The following KAZN variants were observed in gnomAD, a reference collection of about 807,000 sequenced individuals.
KAZN encodes kazrin, periplakin interacting protein.
KAZN carries 40 observed loss-of-function variants against 87.4 expected under a neutral mutation model. The ratio of observed to expected loss-of-function variants is 0.46; its 90% CI spans 0.36 to 0.60. The LOEUF is 0.60. KAZN is among the 20% of genes least tolerant of loss of function. KAZN has a pLI of 0.00. For missense variants in KAZN, 898 were observed against 1,073.9 expected, an observed-to-expected ratio of 0.84 and a Z score of 2.29; for synonymous variants, 466 against 458.3, an observed-to-expected ratio of 1.02 and a Z score of -0.22.
At chr1:14,303,320 T>A (rs2100786619) in intron 2 of KAZN, among the ~76,000 whole-genome samples, 1 of 152,266 alleles carries the variant, frequency 6.6e-6, no homozygotes, top group Middle Eastern at 3.4e-3. Context: ...CTTGGCTCAC[T>A]GCAACCTCCA....
intron 8 of KAZN, among the ~76,000 whole-genome samples, chr1:15,091,711 C>T (rs1640541424): frequency 6.6e-6 from 1 of 152,214 alleles, no homozygotes; most frequent in African/African-American, 2.4e-5. Flanking sequence ...TTATTCATTG[C>T]ACATATTCCA....
At position 14,681,611 on chromosome 1, in the gene KAZN, GTGTATATATA is replaced by G. The variant is rs1434695797; in HGVS notation, c.226+82390_226+82399del. ...ATTTTAACTATATATATATGTATAT[GTGTATATATA>G]TATATATATATATATATATATATAT... On this transcript the variant is annotated intron_variant, in intron 1 of 14. Transcript: ENST00000376030. Among the ~76,000 whole-genome samples the G allele has an allele frequency of 5.6e-4, 19 of 33,878 alleles. No individual in the cohort carries two copies. The South Asian group carries it at 7.5e-3, about 13-fold the overall frequency. 22.2% of individuals were successfully genotyped at this position (33,878 alleles called of 152,430 possible). A position where few individuals can be genotyped will look rare whatever the true frequency, so the allele number is the denominator to read the frequency against.
intron 2 of KAZN, among the ~76,000 whole-genome samples, chr1:14,426,071 C>T (rs185122383): frequency 4.5e-4 from 69 of 152,364 alleles, no homozygotes; most frequent in Middle Eastern, 6.8e-3. Flanking sequence ...CTGGGCCCCC[C>T]GGCCTCCTCT....
At chr1:15,087,002 T>C (rs1357443083) in intron 8 of KAZN, among the ~76,000 whole-genome samples, 1 of 152,250 alleles carries the variant, frequency 6.6e-6, no homozygotes, top group East Asian at 1.9e-4. Context: ...TCCCAGATGC[T>C]GCTGATGCTA....
chr1:14,506,860 T>TACC (rs1282148233), intron 2 of KAZN, among the ~76,000 whole-genome samples: 1 of 152,218 alleles, frequency 6.6e-6, no homozygotes, highest in African/African-American at 2.4e-5. Context: ...ATACGGTGGC[T>TACC]ACCGATTGGA....
At chr1:14,974,623 A>G (rs1339333622) in intron 2 of KAZN, among the ~76,000 whole-genome samples, 3 of 152,370 alleles carry the variant, frequency 2.0e-5, no homozygotes, top group East Asian at 1.9e-4. Flanking sequence ...GTACAATGGA[A>G]TCCTACTCAG....
chr1:14,905,412 C>T (rs1427081108), intron 1 of KAZN, among the ~76,000 whole-genome samples: 3 of 152,166 alleles, frequency 2.0e-5, no homozygotes, highest in Non-Finnish European at 4.4e-5. Flanking sequence ...CTTGCTGCCA[C>T]CTGCAAATGG....
At chr1:14,639,167 G>A (rs1680235509) in intron 1 of KAZN, among the ~76,000 whole-genome samples, 1 of 152,148 alleles carries the variant, frequency 6.6e-6, no homozygotes, top group Non-Finnish European at 1.5e-5. Flanking sequence ...GGACCCCAGA[G>A]GCTGATGCAC....
At chr1:14,964,658 C>G (rs547971689) in intron 2 of KAZN, among the ~76,000 whole-genome samples, 33 of 152,132 alleles carry the variant, frequency 2.2e-4, no homozygotes. Flanking sequence ...ACGCACAAGC[C>G]GAGCAAGCAG....
At chr1:14,532,488 C>CT (rs1672261275) in intron 2 of KAZN, among the ~76,000 whole-genome samples, 1 of 138,958 alleles carries the variant, frequency 7.2e-6, no homozygotes, top group Non-Finnish European at 1.6e-5. Context: ...TATTATTATA[C>CT]TTTAAGTTTT....
chr1:14,358,834 T>G (rs997789077), intron 2 of KAZN, among the ~76,000 whole-genome samples: 1 of 152,194 alleles, frequency 6.6e-6, no homozygotes, highest in African/African-American at 2.4e-5. Context: ...GAGGAGTGTT[T>G]TACTTCCAAT....
At chr1:14,288,107 C>T (rs999204689) in intron 2 of KAZN, among the ~76,000 whole-genome samples, 10 of 152,232 alleles carry the variant, frequency 6.6e-5, no homozygotes, top group South Asian at 2.1e-4. Context: ...ATTTTCACAT[C>T]GATGTTCATC....
intron 1 of KAZN, among the ~76,000 whole-genome samples, chr1:14,948,467 T>G (rs7552994): frequency 0.15 from 22,414 of 151,776 alleles, 1,761 homozygotes; most frequent in South Asian, 0.24. Flanking sequence ...ACTTGGGTCA[T>G]GTGCCTTCTC....
chr1:14,393,361 T>G (rs1163937532), intron 2 of KAZN, among the ~76,000 whole-genome samples: 1 of 152,184 alleles, frequency 6.6e-6, no homozygotes, highest in Non-Finnish European at 1.5e-5. Flanking sequence ...ATCATCATGA[T>G]TATCAGTATG....
At chr1:14,870,474 T>G (rs1433303182) in intron 1 of KAZN, among the ~76,000 whole-genome samples, 3 of 152,164 alleles carry the variant, frequency 2.0e-5, no homozygotes, top group African/African-American at 7.2e-5. Context: ...TCCAAGTAGC[T>G]GGGATTACAG....
intron 2 of KAZN, among the ~76,000 whole-genome samples, chr1:14,964,720 G>C (rs1469812271): frequency 6.6e-6 from 1 of 152,204 alleles, no homozygotes; most frequent in East Asian, 1.9e-4. Flanking sequence ...GTGGGAAAAA[G>C]CAGAGCCCCC....
chr1:14,638,298 G>A (rs541577732), intron 1 of KAZN, among the ~76,000 whole-genome samples: 1 of 152,284 alleles, frequency 6.6e-6, no homozygotes, highest in South Asian at 2.1e-4. Flanking sequence ...GTGGGGCGTG[G>A]TGACTCTTGC....
At chr1:14,979,339 G>T (rs1322793422) in intron 2 of KAZN, among the ~76,000 whole-genome samples, 4 of 151,886 alleles carry the variant, frequency 2.6e-5, no homozygotes, top group Admixed American at 1.3e-4. Context: ...AACCCAGGAG[G>T]CAGAGGTTGC....
At chr1:14,219,122 T>C (rs1334352028) in intron 2 of KAZN, among the ~76,000 whole-genome samples, 2 of 151,998 alleles carry the variant, frequency 1.3e-5, no homozygotes, top group Non-Finnish European at 2.9e-5. Context: ...GAGAAACAAA[T>C]GTGGAGAGAC....
Sources: allele counts gnomAD v4.1 joint callset (sites outside exome capture counted in the v4.1 genomes callset), GRCh38; gene constraint gnomAD v4.1.1; transcripts MANE v1.5; gene names NCBI Gene and HGNC (gene_info 2026-07-23, HGNC 2026-07-21).